Variants in NTRK3 observed in about 807,000 individuals in gnomAD.
NTRK3 encodes neurotrophic receptor tyrosine kinase 3.
Under a neutral mutation model 91.7 loss-of-function variants are expected in NTRK3, and 24 were observed. That is an observed-to-expected ratio of 0.26 (90% CI 0.19 to 0.37). The LOEUF is 0.37. Ranked by LOEUF, NTRK3 falls within the 10% of genes least tolerant of loss-of-function variation. NTRK3 has a pLI of 1.00. For synonymous variants in NTRK3, 483 were observed against 404.0 expected (o/e 1.20, Z -2.34); for missense variants, 880 against 1,068.9 (o/e 0.82, Z 2.46).
intron 10 of NTRK3, among the ~76,000 whole-genome samples, chr15:88,132,554 C>T (rs1048191829): frequency 7.9e-5 from 12 of 152,190 alleles, no homozygotes; most frequent in African/African-American, 2.7e-4. Flanking sequence ...ACTGCCTGCT[C>T]TTAGCCTCCA....
At chr15:87,944,566 C>T (rs949129114) in intron 14 of NTRK3, among the ~76,000 whole-genome samples, 20 of 152,194 alleles carry the variant, frequency 1.3e-4, no homozygotes, top group East Asian at 1.9e-4. Flanking sequence ...TTTATGACTC[C>T]GAAACCCGTG....
chr15:88,036,418 C>T (rs1480891475), intron 13 of NTRK3, among the ~76,000 whole-genome samples: 1 of 138,240 alleles, frequency 7.2e-6, no homozygotes, highest in Non-Finnish European at 1.7e-5. Flanking sequence ...TGGAAATCTA[C>T]ACCTAAAAAA....
intron 17 of NTRK3, among the ~76,000 whole-genome samples, chr15:87,895,949 T>C (rs1332527872): frequency 1.3e-5 from 2 of 152,140 alleles, no homozygotes; most frequent in Non-Finnish European, 1.5e-5. Context: ...TGTTTAAATA[T>C]ACCTATAGCC....
intron 13 of NTRK3, among the ~76,000 whole-genome samples, chr15:88,059,959 C>T (rs534792369): frequency 2.6e-5 from 4 of 152,242 alleles, no homozygotes; most frequent in African/African-American, 4.8e-5. Context: ...GAGAGGCATT[C>T]GAAGAAACCA....
chr15:88,228,227 C>CCT (rs1002633013), intron 3 of NTRK3, among the ~76,000 whole-genome samples: 10 of 152,104 alleles, frequency 6.6e-5, no homozygotes. Context: ...CATGCATGCC[C>CCT]CCTCAGCTCA....
intron 5 of NTRK3, among the ~76,000 whole-genome samples, chr15:88,155,240 G>A (rs2043780842): frequency 6.6e-6 from 1 of 152,218 alleles, no homozygotes; most frequent in Admixed American, 6.5e-5. Flanking sequence ...GGAAGGCAGA[G>A]AGAAAGTAGG....
chr15:88,183,012 A>ACTCCCCCCCCCCCCCCCCCC (rs749216536), intron 5 of NTRK3, among the ~76,000 whole-genome samples: 1 of 119,882 alleles, frequency 8.3e-6, no homozygotes, highest in Admixed American at 8.6e-5. Flanking sequence ...TCTTCTTGCA[A>ACTCCCCCCCCCCCCCCCCCC]CCCCCCCCCG....
intron 17 of NTRK3, among the ~76,000 whole-genome samples, chr15:87,920,151 C>T (rs1304648097): frequency 6.6e-6 from 1 of 152,128 alleles, no homozygotes; most frequent in Non-Finnish European, 1.5e-5. Context: ...CCTCAACAGA[C>T]TTTTGTATTC....
chr15:88,202,383 C>A (rs565172044), intron 3 of NTRK3, among the ~76,000 whole-genome samples: 1 of 152,310 alleles, frequency 6.6e-6, no homozygotes, highest in African/African-American at 2.4e-5. Context: ...CCTCTCCCAG[C>A]CAGCTGCTCT....
intron 5 of NTRK3, among the ~76,000 whole-genome samples, chr15:88,153,489 A>AAG (rs2043590907): frequency 1.3e-5 from 2 of 152,136 alleles, no homozygotes; most frequent in Admixed American, 1.3e-4. Context: ...TCCTGACCTC[A>AAG]GGTGATCCAC....
At chr15:88,154,423 G>A (rs1303401474) in intron 5 of NTRK3, among the ~76,000 whole-genome samples, 1 of 152,222 alleles carries the variant, frequency 6.6e-6, no homozygotes, top group Non-Finnish European at 1.5e-5. Context: ...TGACAAGGAA[G>A]CAACTGCTGC....
chr15:87,979,367 C>G, intron 14 of NTRK3: 2 of 1,613,426 alleles, frequency 1.2e-6, no homozygotes, highest in Non-Finnish European at 1.7e-6. Flanking sequence ...ACGTCCTTTG[C>G]TGAAATAAAC....
At chr15:87,990,689 T>C (rs74806518) in intron 14 of NTRK3, among the ~76,000 whole-genome samples, 4 of 152,320 alleles carry the variant, frequency 2.6e-5, no homozygotes, top group African/African-American at 9.6e-5. Flanking sequence ...CCTTCTTCAA[T>C]TATTTCCTGT....
At chr15:88,167,753 A>G (rs897803733) in intron 5 of NTRK3, among the ~76,000 whole-genome samples, 23 of 152,124 alleles carry the variant, frequency 1.5e-4, no homozygotes, top group Non-Finnish European at 2.9e-4. Flanking sequence ...AGATGCATCC[A>G]TTTCACTTCA....
chr15:88,165,250 C>A (rs997356650), intron 5 of NTRK3, among the ~76,000 whole-genome samples: 8 of 152,134 alleles, frequency 5.3e-5, no homozygotes, highest in Admixed American at 1.3e-4. Context: ...GCTTGTAGTT[C>A]TTTGTGCAAA....
Position 88,235,814 on chromosome 15 carries a change from C to A in NTRK3, c.248+20092G>T, listed in dbSNP as rs1013136011. Among the ~76,000 whole-genome samples, 2 of 152,214 alleles carry A rather than the reference C, an allele frequency of 1.3e-5. No individual in the cohort carries two copies. The highest frequency in any genetic ancestry group is 2.4e-5 in the African/African-American group (1 of 41,458). On this transcript the variant is annotated intron_variant, in intron 3 of 18. Coordinates refer to ENST00000394480, the Ensembl canonical transcript of NTRK3. The surrounding 1 kb of genome is among the most constrained non-coding windows in gnomAD (Gnocchi z 5.2). ...AAGCTGTGCACCACAACAGGAACCC[C>A]CCTGGGGCTTTGAGTCAAACAGGAT...
intron 17 of NTRK3, chr15:87,926,561 G>A (rs111436364): frequency 6.6e-6 from 1 of 152,088 alleles, no homozygotes; most frequent in African/African-American, 2.4e-5. Flanking sequence ...AATCTACCCT[G>A]GCACCTACAG....
intron 17 of NTRK3, chr15:87,916,549 T>C (rs1216741984): frequency 1.0e-5 from 7 of 702,258 alleles, no homozygotes; most frequent in Middle Eastern, 2.3e-4. Context: ...TCAGTCCTCA[T>C]GCCTGCACAA....
rs200074319 is a variant in NTRK3 at position 88,137,389 on chromosome 15, C to T, written c.622+15G>A. ...CCTCCCTGGAGCCAGCTGGGCCAGG[C>T]GGCCACTCACTCACCACACTGACTG... On this transcript the variant is annotated intron_variant, in intron 7 of 18. Coordinates refer to ENST00000394480, the Ensembl canonical transcript of NTRK3. The T allele has an allele frequency of 1.6e-4, 251 of 1,612,688 alleles. No individual in the cohort carries two copies. The East Asian group carries it at 4.3e-3, about 28-fold the overall frequency.
Sources: gnomAD v4.1 joint callset for allele counts (sites outside exome capture counted in the v4.1 genomes callset) on GRCh38, gnomAD v4.1.1 for gene constraint, Gnocchi (gnomAD v3.1) non-coding constraint, MANE v1.5 for transcripts, NCBI Gene and HGNC (gene_info 2026-07-23, HGNC 2026-07-21) for gene names.